NPIPB2: variants seen among roughly 807,000 people sequenced by gnomAD.
NPIPB2 encodes nuclear pore complex interacting protein family member B2.
A neutral mutation model predicts 30.8 loss-of-function variants in NPIPB2; 27 were observed. The observed-to-expected ratio is 0.88, with a 90% CI of 0.65 to 1.21. The LOEUF (loss-of-function observed/expected upper bound fraction) is 1.21. Among genes scored for constraint, NPIPB2 ranks in the 50% most tolerant of loss-of-function variants. NPIPB2 has a pLI of 0.00. For synonymous variants in NPIPB2, 147 were observed against 162.0 expected, an observed-to-expected ratio of 0.91 and a Z score of 0.70; for missense variants, 440 against 446.2, an observed-to-expected ratio of 0.99 and a Z score of 0.13.
chr16:11,952,943 C>A (rs2055080942), intron 1 of NPIPB2, among the ~76,000 whole-genome samples: 2 of 152,106 alleles, frequency 1.3e-5, no homozygotes, highest in Admixed American at 6.6e-5. Context: ...TTTGGGATCT[C>A]TCTGCCCCTT....
chr16:11,936,292 A>G (rs1330216028), intron 2 of NPIPB2, among the ~76,000 whole-genome samples: 1 of 151,896 alleles, frequency 6.6e-6, no homozygotes, highest in Admixed American at 6.6e-5. Flanking sequence ...CAACAGAGGG[A>G]GACTCGTCTT....
At chr16:11,935,607 T>G (rs373897893) in intron 2 of NPIPB2, among the ~76,000 whole-genome samples, 8 of 152,148 alleles carry the variant, frequency 5.3e-5, no homozygotes, top group African/African-American at 1.7e-4. Context: ...AGCCACCACA[T>G]CTGGCCTGAA....
At chr16:11,965,021 G>T in intron 1 of NPIPB2, 1 of 410,898 alleles carries the variant, frequency 2.4e-6, no homozygotes, top group Non-Finnish European at 4.4e-6. Flanking sequence ...ACTGTCACCT[G>T]GCTGAGAAAT....
chr16:11,976,390 G>A (rs995911232), intron 1 of NPIPB2, among the ~76,000 whole-genome samples: 3 of 152,214 alleles, frequency 2.0e-5, no homozygotes, highest in Non-Finnish European at 4.4e-5. Context: ...GGCCCTCCGG[G>A]ATTGCCCATC....
chr16:11,933,022 A>G (rs534020313), intron 4 of NPIPB2, among the ~76,000 whole-genome samples: 1 of 150,850 alleles, frequency 6.6e-6, no homozygotes, highest in East Asian at 1.9e-4. Flanking sequence ...GCACTTTGGG[A>G]GGCTGAGGCA....
At chr16:11,963,490 G>C (rs181910249) in intron 1 of NPIPB2, among the ~76,000 whole-genome samples, 3 of 152,036 alleles carry the variant, frequency 2.0e-5, no homozygotes, top group Admixed American at 2.0e-4. Context: ...CCTTAAGAAA[G>C]TGTAAAGAAT....
At chr16:11,973,855 G>A (rs2150946878) in intron 1 of NPIPB2, among the ~76,000 whole-genome samples, 1 of 152,260 alleles carries the variant, frequency 6.6e-6, no homozygotes, top group South Asian at 2.1e-4. Context: ...ACAGGTTATG[G>A]GACTGGGGAG....
At chr16:11,963,056 CAAAA>C (rs2055165910) in intron 1 of NPIPB2, among the ~76,000 whole-genome samples, 2 of 151,676 alleles carry the variant, frequency 1.3e-5, no homozygotes, top group African/African-American at 4.8e-5. Flanking sequence ...GACTCCATCT[CAAAA>C]CAAACAAACA....
At chr16:11,927,900 A>G (rs773567089) in intron 7 of NPIPB2, 21 bp from the exon 8 acceptor site, 3 of 901,352 alleles carry the variant, frequency 3.3e-6, no homozygotes, top group South Asian at 3.6e-5. Context: ...AAAGGAGGGA[A>G]TGTTTTCACA....
chr16:11,953,510 C>G (rs1407484933), intron 1 of NPIPB2, among the ~76,000 whole-genome samples: 2 of 151,988 alleles, frequency 1.3e-5, no homozygotes, highest in East Asian at 3.9e-4. Flanking sequence ...GCCACCATGC[C>G]TGGTTAACTT....
exon 2 of NPIPB2, chr16:11,937,604 C>T (rs770118493): frequency 1.8e-5 from 29 of 1,599,332 alleles, no homozygotes; most frequent in Non-Finnish European, 2.3e-5. Flanking sequence ...AATAATGATA[C>T]GTAACCAAGG....
rs2054827362 is a variant in NPIPB2, at chr16:11,933,864, G to A, written c.253C>T (p.Gln85Ter). Residue 85 changes from glutamine (Q) to a stop codon, truncating the protein, a stop_gained, in exon 3 of 8, where the codon CAG becomes TAG. Coordinates refer to ENST00000399147, the Ensembl canonical transcript of NPIPB2. LOFTEE classifies it high-confidence loss of function. ...CGGTTGGACCTCCTGGCTCTCTGCT[G>A]TACATCTGTGGATACATCATGTCCA... 4 of 1,572,058 alleles carry A rather than the reference G, an allele frequency of 2.5e-6. No individual in the cohort carries two copies. Among genetic ancestry groups the A allele is most frequent in the Non-Finnish European group, 3.5e-6 (4 of 1,156,544 alleles).
At chr16:11,958,154 G>A (rs542000163) in intron 1 of NPIPB2, among the ~76,000 whole-genome samples, 13 of 152,176 alleles carry the variant, frequency 8.5e-5, no homozygotes, top group African/African-American at 2.9e-4. Context: ...GGCTGGGTGC[G>A]GTGGCTCACT....
At chr16:11,966,113 A>C (rs1355881068) in intron 1 of NPIPB2, 5 of 1,305,224 alleles carry the variant, frequency 3.8e-6, no homozygotes, top group Non-Finnish European at 5.2e-6. Context: ...TTTGTCTCAA[A>C]ATAAATAAAT....
chr16:11,951,649 C>CAA (rs2055065435), intron 1 of NPIPB2, among the ~76,000 whole-genome samples: 1 of 146,280 alleles, frequency 6.8e-6, no homozygotes, highest in Non-Finnish European at 1.5e-5. Context: ...CACACACACA[C>CAA]ACACACACAC....
intron 1 of NPIPB2, among the ~76,000 whole-genome samples, chr16:11,957,985 C>T (rs1033569965): frequency 6.6e-6 from 1 of 152,224 alleles, no homozygotes; most frequent in Non-Finnish European, 1.5e-5. Context: ...ATCCCCCACA[C>T]ATCCTGCCAA....
chr16:11,969,215 A>T (rs886466687), intron 1 of NPIPB2, among the ~76,000 whole-genome samples: 3 of 152,040 alleles, frequency 2.0e-5, no homozygotes, highest in African/African-American at 4.8e-5. Context: ...ATATACATAC[A>T]TACAGATTTC....
chr16:11,975,472 T>G (rs889590409), intron 1 of NPIPB2, among the ~76,000 whole-genome samples: 5 of 152,030 alleles, frequency 3.3e-5, no homozygotes, highest in Non-Finnish European at 7.4e-5. Context: ...CTATCTCCAC[T>G]GCCACCACTG....
At chr16:11,942,103 C>T (rs951162371), upstream of NPIPB2, 1 of 1,532,016 alleles carries the variant, frequency 6.5e-7, no homozygotes, top group Non-Finnish European at 8.7e-7. Flanking sequence ...ATGTAGCCAT[C>T]TGTCCATCAA....
Sources: gnomAD v4.1 joint callset for allele counts (sites outside exome capture counted in the v4.1 genomes callset) on GRCh38, gnomAD v4.1.1 for gene constraint, MANE v1.5 for transcripts, NCBI Gene and HGNC (gene_info 2026-07-23, HGNC 2026-07-21) for gene names.